Variants in MTMR12 observed in about 807,000 individuals in gnomAD.
MTMR12 encodes myotubularin-related protein 12.
A neutral mutation model predicts 96.7 loss-of-function variants in MTMR12; 33 were observed. The observed-to-expected ratio is 0.34, with a 90% confidence interval of 0.26 to 0.46. The LOEUF (loss-of-function observed/expected upper bound fraction) is 0.46. MTMR12 is among the 20% of genes least tolerant of loss of function. MTMR12 has a pLI of 1.00. For synonymous variants in MTMR12, 298 were observed against 327.2 expected (o/e 0.91, Z 0.96); for missense variants, 721 against 896.1 (o/e 0.80, Z 2.49).
rs536830673 is a variant in MTMR12, at chr5:32,262,369, G to A, written c.713+744C>T. Among the ~76,000 whole-genome samples, 17 of 152,312 alleles carry A rather than the reference G, an allele frequency of 1.1e-4. No homozygotes were observed. In the South Asian group the frequency reaches 3.5e-3, roughly 32 times the overall value. ...TAATCCTAGAAGTTTGGAAGGCCGAGGTGAGAGGATCGCTTGAGCCCAGGA... is the reference window on the plus strand; with the variant it reads ...TAATCCTAGAAGTTTGGAAGGCCGAAGTGAGAGGATCGCTTGAGCCCAGGA... On this transcript the variant is annotated intron_variant, in intron 7 of 15. Transcript: ENST00000382142.
chr5:32,282,291 G>A (rs1410599243), intron 1 of MTMR12, among the ~76,000 whole-genome samples: 3 of 151,874 alleles, frequency 2.0e-5, no homozygotes, highest in East Asian at 1.9e-4. Flanking sequence ...GTGTGGTGGC[G>A]GGTGCCTGTA....
intron 15 of MTMR12, chr5:32,232,909 C>T (rs546231673): frequency 1.1e-6 from 1 of 943,862 alleles, no homozygotes; most frequent in Admixed American, 6.2e-5. Flanking sequence ...CCAGATCAGG[C>T]AGGATAAGGA....
intron 8 of MTMR12, among the ~76,000 whole-genome samples, chr5:32,249,609 A>G (rs1044905209): frequency 6.6e-6 from 1 of 152,232 alleles, no homozygotes; most frequent in African/African-American, 2.4e-5. Context: ...TAACTGAAGA[A>G]AGAAATTTCA....
At chr5:32,273,002 T>C (rs1298370269) in intron 3 of MTMR12, among the ~76,000 whole-genome samples, 1 of 152,124 alleles carries the variant, frequency 6.6e-6, no homozygotes, top group Non-Finnish European at 1.5e-5. Context: ...TCCACTAACA[T>C]ATGGTGCTCT....
At chr5:32,271,962 A>G in intron 3 of MTMR12, 57 bp from the exon 4 acceptor site, 2 of 1,074,750 alleles carry the variant, frequency 1.9e-6, no homozygotes, top group Non-Finnish European at 2.7e-6. Context: ...AGACATTTAT[A>G]GGCAGAGTAA....
intron 1 of MTMR12, among the ~76,000 whole-genome samples, chr5:32,280,498 T>C (rs141101198): frequency 2.4e-4 from 37 of 152,294 alleles, no homozygotes; most frequent in African/African-American, 7.5e-4. Context: ...AAGTAGAAAA[T>C]CTGAGGGAGA....
intron 7 of MTMR12, among the ~76,000 whole-genome samples, chr5:32,256,966 G>A (rs1749163238): frequency 1.3e-5 from 2 of 152,198 alleles, no homozygotes; most frequent in African/African-American, 4.8e-5. Context: ...AGATTAAAAA[G>A]ATGACAGAGA....
intron 1 of MTMR12, among the ~76,000 whole-genome samples, chr5:32,279,839 G>A (rs989038907): frequency 3.9e-5 from 6 of 152,198 alleles, no homozygotes; most frequent in Non-Finnish European, 7.3e-5. Flanking sequence ...TCACAATAGG[G>A]TTCATGCTCC....
Position 32,290,587 on chromosome 5 carries a change from T to A in MTMR12, c.82-13845A>T, listed in dbSNP as rs1326856503. On this transcript the variant is annotated intron_variant, in intron 1 of 15. Transcript: ENST00000382142. Reference sequence around the variant, plus strand: ...CAACATATTCTTCGTTTGAGTGTGTTACTCCAGCCCATTTATTGAGTGACC... The same window carrying A: ...CAACATATTCTTCGTTTGAGTGTGTAACTCCAGCCCATTTATTGAGTGACC... Among the ~76,000 whole-genome samples, 7 of 152,230 alleles carry A rather than the reference T, an allele frequency of 4.6e-5. No homozygotes were observed. The East Asian group carries it at 1.2e-3, about 25-fold the overall frequency.
chr5:32,251,139 T>C (rs1042808915), intron 8 of MTMR12, among the ~76,000 whole-genome samples: 2 of 146,212 alleles, frequency 1.4e-5, no homozygotes, highest in Non-Finnish European at 3.0e-5. Context: ...CACTGCAAGC[T>C]CCGCCTCCCG....
intron 7 of MTMR12, among the ~76,000 whole-genome samples, chr5:32,262,382 C>T (rs1749396875): frequency 6.6e-6 from 1 of 152,190 alleles, no homozygotes; most frequent in Admixed American, 6.5e-5. Flanking sequence ...GAGAGGATCG[C>T]TTGAGCCCAG....
At position 32,312,915 on chromosome 5, in the gene MTMR12, C is replaced by T; in HGVS notation, c.-77G>A. ...CTCCAGCTGGGGCAGCAGCGGCGGC[C>T]ACCAGCACTAGCGGCTGGGGCTCCG... is the stretch of plus-strand genomic sequence containing the variant. On this transcript the variant is annotated 5_prime_UTR_variant, in exon 1 of 16. Transcript: ENST00000382142. The surrounding 1 kb of genome is among the most constrained non-coding windows in gnomAD (Gnocchi z 5.0). 7.4e-7 allele frequency: 1 copy of T among 1,344,158 alleles called. No homozygotes were observed. Among genetic ancestry groups the T allele is most frequent in the Non-Finnish European group, 9.8e-7 (1 of 1,021,206 alleles). 83.3% of individuals were successfully genotyped at this position (1,344,158 alleles called of 1,614,324 possible). A position where few individuals can be genotyped will look rare whatever the true frequency, so the allele number is the denominator to read the frequency against.
At chr5:32,302,915 G>GT (rs1751206262) in intron 1 of MTMR12, among the ~76,000 whole-genome samples, 1 of 152,108 alleles carries the variant, frequency 6.6e-6, no homozygotes, top group Non-Finnish European at 1.5e-5. Context: ...TTTAGAGATA[G>GT]CAAAAAATTT....
chr5:32,299,934 A>G (rs115113660), intron 1 of MTMR12, among the ~76,000 whole-genome samples: 3,015 of 151,882 alleles, frequency 0.02, 107 homozygotes, highest in African/African-American at 0.068. Flanking sequence ...CGACCTTTCC[A>G]AGTCCTACAC....
Position 32,263,226 on chromosome 5 carries a change from G to A in MTMR12, c.600C>T (p.Asn200=), listed in dbSNP as rs1194306727. ...AQNNTVTDPK[N]HTVMFDTLKD... is the part of the protein sequence containing the mutation. ...TAAGTGTGTCAAACATTACGGTATG[G>A]TTCTTGGGATCAGTGACTAAGAGAA... Residue 200 remains asparagine, a synonymous_variant, in exon 7 of 16, where the codon AAC becomes AAT. Transcript: ENST00000382142. 3 of 1,613,938 alleles carry A rather than the reference G, an allele frequency of 1.9e-6. No individual in the cohort carries two copies. The Admixed American group carries it at 5.0e-5, about 27-fold the overall frequency.
rs1215329367 is a variant in MTMR12 at position 32,230,172 on chromosome 5, T to C, written c.1850A>G (p.His617Arg). The change falls in exon 16 of 16, where the codon CAT (histidine) becomes CGT (arginine). Residue 617 changes from histidine to arginine, a missense_variant. By Grantham distance (29) the His-to-Arg change is conservative (BLOSUM62 0). Coordinates refer to ENST00000382142, the MANE Select transcript of MTMR12 (RefSeq NM_001040446.3). ...DNFREFYDSW[H>R]SKSTDYHGLL... ...ACCATGGTAGTCAGTGGACTTGCTA[T>C]GCCAGCTGTCATAGAACTCTCGAAA... 2 of 1,614,090 alleles carry C rather than the reference T, an allele frequency of 1.2e-6. No individual in the cohort carries two copies. Among genetic ancestry groups the C allele is most frequent in the Non-Finnish European group, 1.7e-6 (2 of 1,180,046 alleles).
intron 10 of MTMR12, among the ~76,000 whole-genome samples, chr5:32,246,143 A>G (rs990069264): frequency 2.7e-5 from 4 of 147,672 alleles, no homozygotes. Flanking sequence ...TCTGGGCACA[A>G]TGGTTTCGGT....
At chr5:32,246,677 T>C (rs892761487) in intron 10 of MTMR12, among the ~76,000 whole-genome samples, 3 of 152,218 alleles carry the variant, frequency 2.0e-5, no homozygotes, top group Non-Finnish European at 4.4e-5. Context: ...AGTTGTCCAT[T>C]TGTAAACTGC....
chr5:32,274,066 A>C lies in MTMR12; in HGVS notation c.199T>G (p.Cys67Gly). The C allele has an allele frequency of 6.2e-7, 1 of 1,614,248 alleles. No homozygotes were observed. Among genetic ancestry groups the C allele is most frequent in the Non-Finnish European group, 8.5e-7 (1 of 1,180,044 alleles). ...TVLKYVQEDS[C>G]QHGVYGRLVC... ...AGCCTCCCATAGACCCCATGCTGAC[A>C]GGAATCTTCCTGGACATACTTCAGT... The change falls in exon 3 of 16, where the codon TGT (cysteine) becomes GGT (glycine). Residue 67 changes from cysteine to glycine, a missense_variant. Cys to Gly is a radical substitution (Grantham distance 159). Transcript: ENST00000382142.
Sources: gnomAD v4.1 joint callset for allele counts (sites outside exome capture counted in the v4.1 genomes callset) on GRCh38, gnomAD v4.1.1 for gene constraint, Gnocchi (gnomAD v3.1) non-coding constraint, MANE v1.5 for transcripts, NCBI Gene and HGNC (gene_info 2026-07-23, HGNC 2026-07-21) for gene names.